PRKG1: variants seen among roughly 807,000 people sequenced by gnomAD.
PRKG1 encodes the protein cGMP-dependent protein kinase 1.
PRKG1 carries 35 observed loss-of-function variants against 88.1 expected under a neutral mutation model. That is an observed-to-expected ratio of 0.40 (90% confidence interval 0.30 to 0.53). The LOEUF is 0.53. Ranked by LOEUF, PRKG1 falls within the 20% of genes least tolerant of loss-of-function variation. The pLI is 0.59. For missense variants in PRKG1, 540 were observed against 839.8 expected, an observed-to-expected ratio of 0.64 and a Z score of 4.41; for synonymous variants, 303 against 292.5, an observed-to-expected ratio of 1.04 and a Z score of -0.37.
At chr10:52,108,147 G>GA (rs1294540229) in intron 7 of PRKG1, among the ~76,000 whole-genome samples, 1 of 152,110 alleles carries the variant, frequency 6.6e-6, no homozygotes, top group African/African-American at 2.4e-5. Flanking sequence ...AACTGTTTTG[G>GA]AGAGGAATAC....
intron 3 of PRKG1, among the ~76,000 whole-genome samples, chr10:51,787,679 T>C (rs937023190): frequency 1.3e-5 from 2 of 152,190 alleles, no homozygotes; most frequent in African/African-American, 4.8e-5. Context: ...GGTCTGCCAT[T>C]CCCTGCTGAA....
intron 3 of PRKG1, among the ~76,000 whole-genome samples, chr10:51,475,076 T>C (rs115764295): frequency 1.9e-3 from 286 of 152,126 alleles, no homozygotes; most frequent in African/African-American, 6.0e-3. Context: ...ATTAGTGTAG[T>C]TCATTAACAG....
At chr10:51,953,411 G>A (rs1009512665) in intron 5 of PRKG1, among the ~76,000 whole-genome samples, 13 of 152,236 alleles carry the variant, frequency 8.5e-5, no homozygotes, top group African/African-American at 2.9e-4. Context: ...ACTGCCAATT[G>A]TAGCAGTGTG....
chr10:51,740,917 G>T (rs1408229884), intron 3 of PRKG1, among the ~76,000 whole-genome samples: 1 of 139,890 alleles, frequency 7.1e-6, no homozygotes, highest in Admixed American at 7.1e-5. Context: ...CCATTGATTT[G>T]TCCCAAAACT....
chr10:51,397,570 A>G (rs1045748063), intron 2 of PRKG1, among the ~76,000 whole-genome samples: 1 of 151,902 alleles, frequency 6.6e-6, no homozygotes, highest in Non-Finnish European at 1.5e-5. Context: ...TTTCTTTTAT[A>G]CTCAAGGTTT....
intron 1 of PRKG1, among the ~76,000 whole-genome samples, chr10:51,106,985 G>A (rs1844851327): frequency 6.6e-6 from 1 of 152,178 alleles, no homozygotes; most frequent in Admixed American, 6.6e-5. Flanking sequence ...GAATGCAGAT[G>A]GTAACAAATG....
At chr10:51,557,682 A>C (rs1321427959) in intron 3 of PRKG1, among the ~76,000 whole-genome samples, 1 of 152,116 alleles carries the variant, frequency 6.6e-6, no homozygotes, top group East Asian at 1.9e-4. Context: ...CAAAGCTCTT[A>C]GCACAGTAAA....
chr10:51,730,882 G>A (rs1479597228), intron 3 of PRKG1, among the ~76,000 whole-genome samples: 2 of 152,204 alleles, frequency 1.3e-5, no homozygotes, highest in East Asian at 1.9e-4. Flanking sequence ...CTGGCCGGGC[G>A]CAGTGGCTCA....
intron 4 of PRKG1, among the ~76,000 whole-genome samples, chr10:51,836,426 C>T (rs1840131841): frequency 6.6e-6 from 1 of 152,124 alleles, no homozygotes; most frequent in South Asian, 2.1e-4. Context: ...TGTTGCAATC[C>T]CATTTGTCTA....
chr10:51,270,851 C>G (rs189909648), intron 2 of PRKG1, among the ~76,000 whole-genome samples: 3 of 152,042 alleles, frequency 2.0e-5, no homozygotes, highest in Admixed American at 6.6e-5. Context: ...GGAATCTAGA[C>G]TAGGAAGTTA....
intron 9 of PRKG1, among the ~76,000 whole-genome samples, chr10:52,213,273 A>C (rs1455873597): frequency 6.6e-6 from 1 of 152,232 alleles, no homozygotes; most frequent in African/African-American, 2.4e-5. Flanking sequence ...GTTGGCAACA[A>C]ATGTGTTCAA....
At chr10:51,648,312 C>A (rs1302922036) in intron 3 of PRKG1, among the ~76,000 whole-genome samples, 1 of 152,084 alleles carries the variant, frequency 6.6e-6, no homozygotes, top group African/African-American at 2.4e-5. Flanking sequence ...CAAAGAAAAT[C>A]ATGAATTTTT....
At chr10:51,370,949 A>G (rs1385763604) in intron 2 of PRKG1, among the ~76,000 whole-genome samples, 4 of 152,056 alleles carry the variant, frequency 2.6e-5, no homozygotes, top group Non-Finnish European at 4.4e-5. Context: ...ATCCTTCTTA[A>G]TTTGTCCTAT....
chr10:52,234,053 C>G (rs901274690), intron 9 of PRKG1, among the ~76,000 whole-genome samples: 5 of 151,926 alleles, frequency 3.3e-5, no homozygotes, highest in Admixed American at 1.3e-4. Flanking sequence ...AGCAGAGGCA[C>G]ACTGACACCT....
chr10:51,015,622 C>T (rs996981767), intron 1 of PRKG1, among the ~76,000 whole-genome samples: 2 of 152,218 alleles, frequency 1.3e-5, no homozygotes, highest in Admixed American at 6.5e-5. Flanking sequence ...CTTGGTAGCT[C>T]ATGCCTGTAA....
chr10:51,543,243 C>T (rs917848409), intron 3 of PRKG1, among the ~76,000 whole-genome samples: 6 of 152,138 alleles, frequency 3.9e-5, no homozygotes, highest in African/African-American at 1.4e-4. Flanking sequence ...ATGATATCAT[C>T]TATAAAACAA....
intron 2 of PRKG1, among the ~76,000 whole-genome samples, chr10:51,193,128 A>G (rs1837671790): frequency 6.6e-6 from 1 of 152,074 alleles, no homozygotes; most frequent in Non-Finnish European, 1.5e-5. Flanking sequence ...GTTGACATTG[A>G]CTAGTGCTCA....
intron 3 of PRKG1, among the ~76,000 whole-genome samples, chr10:51,668,315 T>C (rs891425971): frequency 1.3e-5 from 2 of 152,144 alleles, no homozygotes; most frequent in African/African-American, 4.8e-5. Context: ...CTTGTTGGAG[T>C]TTAGGACTTG....
At chr10:51,142,638 C>T (rs1222444536) in intron 1 of PRKG1, among the ~76,000 whole-genome samples, 3 of 152,028 alleles carry the variant, frequency 2.0e-5, no homozygotes, top group African/African-American at 7.2e-5. Flanking sequence ...GACCTGAGTC[C>T]TACTTTAATC....
Sources: allele counts gnomAD v4.1 joint callset (sites outside exome capture counted in the v4.1 genomes callset), GRCh38; gene constraint gnomAD v4.1.1; transcripts MANE v1.5; gene names NCBI Gene and HGNC (gene_info 2026-07-23, HGNC 2026-07-21).